DMD: variants seen among roughly 807,000 people sequenced by gnomAD.
DMD encodes mutant dystrophin.
In DMD, 63 loss-of-function variants were observed where a neutral mutation model predicts 330.1. That is an observed-to-expected ratio of 0.19 (90% CI 0.16 to 0.24). DMD has a LOEUF of 0.24. Ranked by LOEUF, DMD falls within the 10% of genes least tolerant of loss-of-function variation. The probability of loss-of-function intolerance (pLI) is 1.00; values close to 1 mark genes in which losing one functional copy is unlikely to be tolerated. For synonymous variants in DMD, 1,223 were observed against 959.8 expected (o/e 1.27, Z -5.07); for missense variants, 3,344 against 2,684.1 (o/e 1.25, Z -5.43).
In DMD at chrX:32,766,541, G is replaced by A. The variant is rs764406974; in HGVS notation, c.649+42952C>T. The stretch of plus-strand genomic sequence containing the variant: ...AAAATATAACTTATTTCTGTATATT[G>A]ATTTTATTTACTGCAATTGTGCTTA... On this transcript the variant is annotated intron_variant, in intron 7 of 78. Transcript: ENST00000357033. Among the ~76,000 whole-genome samples the A allele has an allele frequency of 9.0e-5, 10 of 110,842 alleles. No individual in the cohort carries two copies. The South Asian group carries it at 3.4e-3, about 38-fold the overall frequency.
At chrX:32,503,586 C>G (rs1303722807) in intron 18 of DMD, among the ~76,000 whole-genome samples, 3 of 111,268 alleles carry the variant, frequency 2.7e-5, no homozygotes. Flanking sequence ...GACAGAGTCT[C>G]ACTCTGTCGC....
chrX:32,045,577 A>G (rs115941596), intron 44 of DMD, among the ~76,000 whole-genome samples: 11 of 110,653 alleles, frequency 9.9e-5, no homozygotes, highest in African/African-American at 3.0e-4. Context: ...ATAGCAATAC[A>G]TGCTAACACA....
intron 2 of DMD, among the ~76,000 whole-genome samples, chrX:32,966,428 G>A (rs1433937737): frequency 9.0e-6 from 1 of 111,464 alleles, no homozygotes; most frequent in Non-Finnish European, 1.9e-5. Context: ...AACCAAAACA[G>A]CCATTTTCAT....
chrX:31,250,232 T>TTA (rs1340200615), intron 63 of DMD, among the ~76,000 whole-genome samples: 3 of 111,672 alleles, frequency 2.7e-5, no homozygotes, highest in African/African-American at 9.8e-5. Flanking sequence ...ACTTATCACA[T>TTA]TATATACATT....
At chrX:32,367,019 TCG>T in intron 34 of DMD, among the ~76,000 whole-genome samples, 1 of 112,011 alleles carries the variant, frequency 8.9e-6, no homozygotes, top group East Asian at 2.8e-4. Flanking sequence ...CATTTATCAA[TCG>T]TAAGTGTTGC....
At chrX:32,977,831 A>G (rs1339439035) in intron 2 of DMD, among the ~76,000 whole-genome samples, 1 of 111,539 alleles carries the variant, frequency 9.0e-6, no homozygotes, top group African/African-American at 3.3e-5. Flanking sequence ...TCTTCATTCC[A>G]CTAAACATAA....
At chrX:31,566,896 T>C (rs2075496545) in intron 55 of DMD, among the ~76,000 whole-genome samples, 2 of 111,937 alleles carry the variant, frequency 1.8e-5, no homozygotes, top group Admixed American at 9.4e-5. Flanking sequence ...ACTTTTCACA[T>C]CTTCATTTCC....
chrX:32,800,026 A>G (rs1486961427), intron 7 of DMD, among the ~76,000 whole-genome samples: 3 of 111,807 alleles, frequency 2.7e-5, no homozygotes, highest in Non-Finnish European at 5.6e-5. Flanking sequence ...AAGCAATTCT[A>G]TCAACAAAGC....
chrX:33,155,391 C>T (rs1248876098), intron 1 of DMD, among the ~76,000 whole-genome samples: 6 of 108,750 alleles, frequency 5.5e-5, no homozygotes, highest in Non-Finnish European at 9.5e-5. Context: ...TCTCAGCTCA[C>T]TGCAACCTCC....
chrX:32,311,011 C>T (rs1436170375), intron 41 of DMD, among the ~76,000 whole-genome samples: 1 of 110,817 alleles, frequency 9.0e-6, no homozygotes, highest in Non-Finnish European at 1.9e-5. Flanking sequence ...TGAGAATTTC[C>T]AGCTCCAGAG....
chrX:32,877,120 T>A (rs1378571423), intron 2 of DMD, among the ~76,000 whole-genome samples: 2 of 112,011 alleles, frequency 1.8e-5, no homozygotes, highest in Non-Finnish European at 3.8e-5. Flanking sequence ...GAATCAGTCT[T>A]AAGAGGTTTC....
In DMD at chrX:31,418,212, A is replaced by G. The variant is rs151035867; in HGVS notation, c.9084+26269T>C. Among the ~76,000 whole-genome samples, 528 of 110,676 alleles carry G rather than the reference A, an allele frequency of 4.8e-3. 4 individuals carry two copies. The highest frequency in any genetic ancestry group is 0.017 in the African/African-American group (503 of 30,475). Reference sequence around the variant, plus strand: ...CTGATATCAAGGCGCTGGCAGATTCAGTGTTTGGTGAAGGCCTGCTTTCTT... The same window carrying G: ...CTGATATCAAGGCGCTGGCAGATTCGGTGTTTGGTGAAGGCCTGCTTTCTT... On this transcript the variant is annotated intron_variant, in intron 60 of 78. Transcript: ENST00000357033.
intron 44 of DMD, among the ~76,000 whole-genome samples, chrX:32,109,520 T>G (rs915717022): frequency 9.1e-6 from 1 of 109,436 alleles, no homozygotes; most frequent in Admixed American, 9.9e-5. Flanking sequence ...GGTAATATCA[T>G]ACAAAATTCA....
chrX:32,585,624 C>G (rs756826355), intron 13 of DMD, among the ~76,000 whole-genome samples: 52 of 91,533 alleles, frequency 5.7e-4, no homozygotes, highest in Non-Finnish European at 9.5e-4. Context: ...GGCATGAACC[C>G]GGGAGGCAGA....
intron 51 of DMD, among the ~76,000 whole-genome samples, chrX:31,749,272 T>A (rs1225956710): frequency 6.0e-5 from 6 of 99,875 alleles, no homozygotes; most frequent in African/African-American, 1.8e-4. Context: ...TAGGTATATC[T>A]CCCAATGCCA....
chrX:32,494,651 T>C (rs2043310860), intron 19 of DMD, among the ~76,000 whole-genome samples: 1 of 111,461 alleles, frequency 9.0e-6, no homozygotes, highest in Admixed American at 9.6e-5. Flanking sequence ...AACAAAGACA[T>C]ATTAGACAAT....
chrX:31,577,399 T>G (rs1033903232), intron 55 of DMD, among the ~76,000 whole-genome samples: 4 of 112,238 alleles, frequency 3.6e-5, no homozygotes, highest in African/African-American at 1.3e-4. Flanking sequence ...CAGGGAAAGC[T>G]CATTTGCTAT....
At chrX:31,694,282 C>A (rs933017417) in intron 52 of DMD, among the ~76,000 whole-genome samples, 1 of 110,299 alleles carries the variant, frequency 9.1e-6, no homozygotes, top group Non-Finnish European at 1.9e-5. Flanking sequence ...AAATGTAATA[C>A]CTGAAACTAA....
intron 45 of DMD, among the ~76,000 whole-genome samples, chrX:31,967,640 G>A (rs1445641888): frequency 9.0e-6 from 1 of 110,943 alleles, no homozygotes; most frequent in African/African-American, 3.3e-5. Flanking sequence ...GGTAAATAAA[G>A]GCCAAGTCTT....
Sources: allele counts gnomAD v4.1 joint callset (sites outside exome capture counted in the v4.1 genomes callset), GRCh38; gene constraint gnomAD v4.1.1; transcripts MANE v1.5; gene names NCBI Gene and HGNC (gene_info 2026-07-23, HGNC 2026-07-21).